JAK2: variants seen among roughly 807,000 people sequenced by gnomAD.
The protein encoded by JAK2 is tyrosine-protein kinase JAK2.
In JAK2, 86 loss-of-function variants were observed where a neutral mutation model predicts 139.3. That is an observed-to-expected ratio of 0.62 (90% CI 0.52 to 0.74). The LOEUF (loss-of-function observed/expected upper bound fraction) is 0.74. Among genes scored for constraint, JAK2 ranks in the 30% least tolerant of loss-of-function variants. The pLI, the probability that JAK2 is intolerant of heterozygous loss-of-function variation, is 0.00. For synonymous variants in JAK2, 490 were observed against 437.7 expected, an observed-to-expected ratio of 1.12 and a Z score of -1.49; for missense variants, 1,421 against 1,360.3, an observed-to-expected ratio of 1.04 and a Z score of -0.70.
chr9:5,065,065 A>T, intron 9 of JAK2, 25 bp downstream of exon 9: 2 of 1,455,436 alleles, frequency 1.4e-6, no homozygotes, highest in African/African-American at 1.4e-5. Context: ...CTTAAAAGTA[A>T]ATTTTTAGAA....
chr9:5,112,699 G>A, intron 22 of JAK2: 2 of 878,102 alleles, frequency 2.3e-6, no homozygotes, highest in Non-Finnish European at 3.3e-6. Flanking sequence ...ATTTGGAGCA[G>A]CAAGTGCGAG....
chr9:5,093,257 A>G (rs577527012), intron 22 of JAK2, among the ~76,000 whole-genome samples: 12 of 152,262 alleles, frequency 7.9e-5, no homozygotes, highest in Non-Finnish European at 1.5e-4. Flanking sequence ...AAGTAAAAGG[A>G]ACTCGGCAAA....
chr9:5,059,437 G>C (rs1176736467), intron 8 of JAK2, among the ~76,000 whole-genome samples: 2 of 152,084 alleles, frequency 1.3e-5, no homozygotes, highest in African/African-American at 4.8e-5. Context: ...TTGTTTGACT[G>C]TACCTCAAAT....
At chr9:5,007,747 T>G (rs1821404109) in intron 2 of JAK2, among the ~76,000 whole-genome samples, 1 of 150,518 alleles carries the variant, frequency 6.6e-6, no homozygotes, top group Admixed American at 6.6e-5. Context: ...TGGAGTGGAG[T>G]CTCACTCTGT....
intron 22 of JAK2, among the ~76,000 whole-genome samples, chr9:5,119,038 CTA>C (rs1447056103): frequency 2.0e-5 from 3 of 152,072 alleles, no homozygotes; most frequent in Non-Finnish European, 4.4e-5. Context: ...AAAAAACAGA[CTA>C]TTATTAATAC....
chr9:5,004,964 T>G (rs919760904), intron 2 of JAK2, among the ~76,000 whole-genome samples: 5 of 150,264 alleles, frequency 3.3e-5, no homozygotes, highest in African/African-American at 9.9e-5. Context: ...TTGCCTAGGC[T>G]GAAGTGCAGT....
chr9:5,042,698 G>C (rs1308565607), intron 4 of JAK2, among the ~76,000 whole-genome samples: 1 of 152,180 alleles, frequency 6.6e-6, no homozygotes, highest in Non-Finnish European at 1.5e-5. Context: ...GCCTGGAGGG[G>C]TGCTGTGGGG....
At chr9:5,035,105 C>T (rs980486713) in intron 4 of JAK2, among the ~76,000 whole-genome samples, 3 of 152,204 alleles carry the variant, frequency 2.0e-5, no homozygotes, top group African/African-American at 7.2e-5. Context: ...CTATAAACAC[C>T]TCTACATGAA....
intron 18 of JAK2, among the ~76,000 whole-genome samples, chr9:5,080,969 C>T (rs1331265887): frequency 7.0e-6 from 1 of 142,360 alleles, no homozygotes; most frequent in Non-Finnish European, 1.5e-5. Flanking sequence ...GATCTCGGCT[C>T]ACTGCAAGCT....
intron 8 of JAK2, among the ~76,000 whole-genome samples, chr9:5,057,061 CAT>C (rs1462512038): frequency 6.6e-6 from 1 of 152,094 alleles, no homozygotes; most frequent in Non-Finnish European, 1.5e-5. Flanking sequence ...ATTTCTTTCT[CAT>C]ATTAAATTTT....
At chr9:5,078,160 A>G (rs904198227) in intron 15 of JAK2, 146 bp from the exon 16 acceptor site, 3 of 577,474 alleles carry the variant, frequency 5.2e-6, no homozygotes, top group African/African-American at 3.8e-5. Context: ...GGAGTCATAA[A>G]TTTCCTTTTT....
At chr9:5,061,628 C>G (rs1025778465) in intron 8 of JAK2, among the ~76,000 whole-genome samples, 6 of 152,202 alleles carry the variant, frequency 3.9e-5, no homozygotes, top group Non-Finnish European at 8.8e-5. Context: ...AATGTTATGG[C>G]TGGTTTGATC....
Position 5,127,430 on chromosome 9 carries a change from C to T in JAK2, c.*639C>T, listed in dbSNP as rs903863375. 4.3e-6 allele frequency: 1 copy of T among 231,362 alleles called. No individual in the cohort carries two copies. The highest frequency in any genetic ancestry group is 2.2e-5 in the African/African-American group (1 of 45,178). 14.3% of individuals were successfully genotyped at this position (231,362 alleles called of 1,614,324 possible). ...GTAAATATTTTTCACATAAAGGGAA[C>T]AAATGTCTAGTTTTATTTGTATAGG... On this transcript the variant is annotated 3_prime_UTR_variant, in exon 25 of 25. Coordinates refer to ENST00000381652, the MANE Select transcript of JAK2 (RefSeq NM_004972.4).
intron 4 of JAK2, among the ~76,000 whole-genome samples, chr9:5,044,046 G>A (rs1280582584): frequency 6.6e-6 from 1 of 152,156 alleles, no homozygotes; most frequent in Non-Finnish European, 1.5e-5. Flanking sequence ...CTCCAAATAA[G>A]CAATTATTTG....
intron 2 of JAK2, among the ~76,000 whole-genome samples, chr9:5,012,193 G>T (rs1464792771): frequency 2.0e-5 from 3 of 152,000 alleles, no homozygotes; most frequent in Non-Finnish European, 4.4e-5. Flanking sequence ...CAAGAGCTCT[G>T]TCCCCTCCTC....
intron 4 of JAK2, among the ~76,000 whole-genome samples, chr9:5,031,093 G>C (rs1213887113): frequency 6.6e-6 from 1 of 152,008 alleles, no homozygotes; most frequent in Admixed American, 6.6e-5. Flanking sequence ...TGAAGAATTA[G>C]GACATAACAT....
chr9:5,109,865 C>T (rs571472061), intron 22 of JAK2: 3 of 152,126 alleles, frequency 2.0e-5, no homozygotes, highest in African/African-American at 7.2e-5. Context: ...AATATTCCAC[C>T]AACAAACTCT....
intron 19 of JAK2, chr9:5,086,030 G>C (rs569915691): frequency 5.1e-6 from 4 of 782,382 alleles, no homozygotes; most frequent in African/African-American, 1.7e-5. Context: ...CATTTGGACA[G>C]GCAGGTGTTA....
At chr9:5,062,177 T>C (rs1449178885) in intron 8 of JAK2, among the ~76,000 whole-genome samples, 1 of 152,098 alleles carries the variant, frequency 6.6e-6, no homozygotes, top group African/African-American at 2.4e-5. Flanking sequence ...ATTCACAGGA[T>C]GCAAAACCTG....
Sources: allele counts gnomAD v4.1 joint callset (sites outside exome capture counted in the v4.1 genomes callset), GRCh38; gene constraint gnomAD v4.1.1; transcripts MANE v1.5; gene names NCBI Gene and HGNC (gene_info 2026-07-23, HGNC 2026-07-21).